Variants in WWOX observed in about 807,000 individuals in gnomAD.
WWOX encodes the protein WW domain containing oxidoreductase.
A neutral mutation model predicts 46.2 loss-of-function variants in WWOX; 69 were observed. The observed-to-expected ratio is 1.49, with a 90% CI of 1.23 to 1.82. The LOEUF (loss-of-function observed/expected upper bound fraction) is 1.82. WWOX is among the 40% of genes most tolerant of loss of function. The pLI, the probability that WWOX is intolerant of heterozygous loss-of-function variation, is 0.00. For synonymous variants in WWOX, 359 were observed against 202.6 expected, an observed-to-expected ratio of 1.77 and a Z score of -6.56; for missense variants, 919 against 542.6, an observed-to-expected ratio of 1.69 and a Z score of -6.89.
intron 8 of WWOX, among the ~76,000 whole-genome samples, chr16:78,956,748 G>C (rs945130383): frequency 2.0e-5 from 3 of 152,066 alleles, no homozygotes; most frequent in African/African-American, 7.2e-5. Flanking sequence ...CCACAAACAA[G>C]AAATTTGGGA....
At chr16:78,235,665 C>T (rs2037410884) in intron 5 of WWOX, among the ~76,000 whole-genome samples, 1 of 152,176 alleles carries the variant, frequency 6.6e-6, no homozygotes, top group South Asian at 2.1e-4. Context: ...GGGATGGGTT[C>T]AGTGTAGTCA....
chr16:78,517,939 T>G (rs2043273401), intron 8 of WWOX, among the ~76,000 whole-genome samples: 1 of 150,124 alleles, frequency 6.7e-6, no homozygotes, highest in African/African-American at 2.4e-5. Flanking sequence ...GTCTTTTCTT[T>G]ACTAGTGAGT....
At chr16:78,201,966 G>A (rs999301919) in intron 5 of WWOX, among the ~76,000 whole-genome samples, 5 of 152,080 alleles carry the variant, frequency 3.3e-5, no homozygotes, top group African/African-American at 1.2e-4. Context: ...CTCCCAAAGT[G>A]TAATCCTGGA....
At chr16:78,964,382 G>C (rs1156578222) in intron 8 of WWOX, among the ~76,000 whole-genome samples, 2 of 152,120 alleles carry the variant, frequency 1.3e-5, no homozygotes, top group Non-Finnish European at 2.9e-5. Context: ...TGGAGCACAG[G>C]TGACTCTTGT....
chr16:78,658,814 G>C lies in WWOX; in HGVS notation c.1056+226062G>C, dbSNP rs565372642. 7.9e-5 allele frequency among the ~76,000 whole-genome samples: 12 copies of C among 151,974 alleles called. 1 individual carries two copies. In the South Asian group the frequency reaches 2.5e-3, roughly 32 times the overall value. Reference sequence around the variant, plus strand: ...CTAAATAAGATCACATGCTAGGGCTGGGCACGGTGGCTCATGCCTGTAATC... The same window carrying C: ...CTAAATAAGATCACATGCTAGGGCTCGGCACGGTGGCTCATGCCTGTAATC... On this transcript the variant is annotated intron_variant, in intron 8 of 8. Coordinates refer to ENST00000566780, the MANE Select transcript of WWOX (RefSeq NM_016373.4).
At chr16:78,355,099 T>C (rs1028403845) in intron 5 of WWOX, among the ~76,000 whole-genome samples, 6 of 151,838 alleles carry the variant, frequency 4.0e-5, no homozygotes, top group African/African-American at 1.2e-4. Context: ...GCCACTGCAC[T>C]CCAGCCTGGG....
chr16:78,723,629 T>TCTCTTCTCTTCTCTTCTCTTCTCTTTTC (rs2048752454), intron 8 of WWOX, among the ~76,000 whole-genome samples: 3 of 90,274 alleles, frequency 3.3e-5, no homozygotes, highest in African/African-American at 9.4e-5. Flanking sequence ...TTTCTTTTCT[T>TCTCTTCTCTTCTCTTCTCTTCTCTTTTC]TTTTCTTTTC....
In WWOX at chr16:78,172,329, C is replaced by T. The variant is rs184068318; in HGVS notation, c.516+8040C>T. On this transcript the variant is annotated intron_variant, in intron 5 of 8. Transcript: ENST00000566780. The stretch of plus-strand genomic sequence containing the variant: ...TTTCGAGTAGTATATCGTGTATTTA[C>T]TGTTCTACTTCAGTTGCCTATTTGA... Among the ~76,000 whole-genome samples, 963 of 152,250 alleles carry T rather than the reference C, an allele frequency of 6.3e-3. 9 individuals are homozygous for T. Among genetic ancestry groups the T allele is most frequent in the African/African-American group, 0.022 (916 of 41,548 alleles).
chr16:78,242,078 C>T lies in WWOX; in HGVS notation c.516+77789C>T, dbSNP rs115284675. On this transcript the variant is annotated intron_variant, in intron 5 of 8. Transcript: ENST00000566780. ...GAGTCTTGGTGCAGGAGCTGTTAGC[C>T]TTGCCGCCCTGCAGACTTGAAGAAT... Among the ~76,000 whole-genome samples, 1,011 of 152,302 alleles carry T rather than the reference C, an allele frequency of 6.6e-3. 10 individuals are homozygous for T. Among genetic ancestry groups the T allele is most frequent in the African/African-American group, 0.023 (971 of 41,558 alleles).
chr16:78,763,279 A>G (rs189370382), intron 8 of WWOX, among the ~76,000 whole-genome samples: 3 of 152,322 alleles, frequency 2.0e-5, no homozygotes, highest in Admixed American at 2.0e-4. Flanking sequence ...GGTATGTTGT[A>G]TTTTCATTCT....
At chr16:78,551,973 G>C (rs2044184694) in intron 8 of WWOX, 2 of 152,290 alleles carry the variant, frequency 1.3e-5, no homozygotes, top group South Asian at 4.1e-4. Context: ...CCTGGGGAGG[G>C]CTCTCTGCTG....
chr16:78,177,366 G>T (rs2035385084), intron 5 of WWOX, among the ~76,000 whole-genome samples: 1 of 152,186 alleles, frequency 6.6e-6, no homozygotes, highest in Non-Finnish European at 1.5e-5. Flanking sequence ...TTGCTAATGA[G>T]GTGATACCCC....
At chr16:78,217,148 G>C (rs1231730320) in intron 5 of WWOX, among the ~76,000 whole-genome samples, 1 of 152,166 alleles carries the variant, frequency 6.6e-6, no homozygotes, top group Non-Finnish European at 1.5e-5. Flanking sequence ...TCTTTGGTTG[G>C]GAAATGGGCA....
In WWOX at chr16:78,614,406, G is replaced by T. The variant is rs79970627; in HGVS notation, c.1056+181654G>T. Among the ~76,000 whole-genome samples the T allele has an allele frequency of 1.6e-3, 247 of 152,350 alleles. 1 individual carries two copies. The highest frequency in any genetic ancestry group is 3.2e-3 in the Non-Finnish European group (217 of 68,030). On this transcript the variant is annotated intron_variant, in intron 8 of 8. Transcript: ENST00000566780. The stretch of plus-strand genomic sequence containing the variant: ...GCATCATTTATTCTGAGTCCACATT[G>T]CTGCCTTTGAGCCGGGGCCCTGAGG...
chr16:78,829,279 T>C (rs1283985718), intron 8 of WWOX, among the ~76,000 whole-genome samples: 2 of 152,192 alleles, frequency 1.3e-5, no homozygotes, highest in Non-Finnish European at 2.9e-5. Context: ...GAAGGGCCCA[T>C]GGTAGAAACC....
intron 8 of WWOX, among the ~76,000 whole-genome samples, chr16:78,457,739 C>G (rs372424243): frequency 5.3e-5 from 8 of 151,818 alleles, no homozygotes; most frequent in African/African-American, 1.7e-4. Context: ...CATGGTGAAA[C>G]CTCATCTCTA....
At chr16:78,243,721 A>G (rs753942273) in intron 5 of WWOX, among the ~76,000 whole-genome samples, 1 of 152,080 alleles carries the variant, frequency 6.6e-6, no homozygotes, top group South Asian at 2.1e-4. Flanking sequence ...TAAGTTTTGT[A>G]TTTTGCGTAG....
chr16:78,575,171 G>A (rs1371299842), intron 8 of WWOX, among the ~76,000 whole-genome samples: 1 of 135,918 alleles, frequency 7.4e-6, no homozygotes. Context: ...TTTAATTGCT[G>A]TCTGGAATCC....
At chr16:79,015,365 T>A (rs562047866) in intron 8 of WWOX, among the ~76,000 whole-genome samples, 2 of 152,308 alleles carry the variant, frequency 1.3e-5, no homozygotes, top group African/African-American at 4.8e-5. Flanking sequence ...CCACATGCTT[T>A]TTGATTTTTC....
Sources: gnomAD v4.1 joint callset for allele counts (sites outside exome capture counted in the v4.1 genomes callset) on GRCh38, gnomAD v4.1.1 for gene constraint, MANE v1.5 for transcripts, NCBI Gene and HGNC (gene_info 2026-07-23, HGNC 2026-07-21) for gene names.